Variants in NAV3 observed in about 807,000 individuals in gnomAD.
NAV3 encodes neuron navigator 3.
In NAV3, 87 loss-of-function variants were observed where a neutral mutation model predicts 244.7. The ratio of observed to expected loss-of-function variants is 0.36; its 90% confidence interval spans 0.30 to 0.42. The LOEUF is 0.42. NAV3 is among the 20% of genes least tolerant of loss of function. NAV3 has a pLI of 1.00. For synonymous variants in NAV3, 1,126 were observed against 1,042.2 expected (o/e 1.08, Z -1.55); for missense variants, 2,663 against 2,893.3 (o/e 0.92, Z 1.83).
At position 78,161,243 on chromosome 12, in the gene NAV3, C is replaced by T. The variant is rs552427127; in HGVS notation, c.4869+1957C>T. On this transcript the variant is annotated intron_variant, in intron 23 of 39. Transcript: ENST00000397909. ...ATCACCATGAGGAGTAAATCAGATA[C>T]TGTTATCATGTCACATGCTAGGGGC... is the stretch of plus-strand genomic sequence containing the variant. Among the ~76,000 whole-genome samples the T allele has an allele frequency of 9.2e-5, 14 of 152,164 alleles. No individual in the cohort carries two copies. In the South Asian group the frequency reaches 2.9e-3, roughly 32 times the overall value.
intron 12 of NAV3, among the ~76,000 whole-genome samples, chr12:78,101,089 G>C (rs1233358217): frequency 2.6e-5 from 4 of 152,094 alleles, no homozygotes; most frequent in African/African-American, 9.7e-5. Flanking sequence ...TAAATCACAG[G>C]TAATGACTAT....
intron 7 of NAV3, among the ~76,000 whole-genome samples, chr12:78,001,488 C>A (rs1418246398): frequency 6.6e-6 from 1 of 152,028 alleles, no homozygotes; most frequent in Non-Finnish European, 1.5e-5. Flanking sequence ...AATTTCACTT[C>A]TATATTAAAA....
At chr12:77,672,284 C>G (rs1317886776) in intron 2 of NAV3, among the ~76,000 whole-genome samples, 1 of 152,118 alleles carries the variant, frequency 6.6e-6, no homozygotes, top group Admixed American at 6.6e-5. Flanking sequence ...AACACTTTTA[C>G]ACCGTTGGAG....
chr12:77,651,860 G>C (rs1420426434), intron 2 of NAV3, among the ~76,000 whole-genome samples: 1 of 152,164 alleles, frequency 6.6e-6, no homozygotes, highest in Non-Finnish European at 1.5e-5. Context: ...GCAACAACTG[G>C]TGTCCTGGGC....
chr12:77,630,749 G>C (rs976164190), intron 2 of NAV3, among the ~76,000 whole-genome samples: 1 of 152,132 alleles, frequency 6.6e-6, no homozygotes, highest in Non-Finnish European at 1.5e-5. Flanking sequence ...ATGGGAGAAA[G>C]ACAAATCTTT....
chr12:77,575,416 G>A (rs1260692120), intron 2 of NAV3, among the ~76,000 whole-genome samples: 2 of 152,020 alleles, frequency 1.3e-5, no homozygotes, highest in South Asian at 4.1e-4. Context: ...ACTTTCAGCT[G>A]GTATTGGGCC....
Position 78,180,857 on chromosome 12 carries a change from C to G in NAV3, c.5518-14C>G, listed in dbSNP as rs1593935586. On this transcript the variant is annotated splice_polypyrimidine_tract_variant and intron_variant, in intron 29 of 39. Transcript: ENST00000397909. ...CCAACTCAGTTTTTTTCATGTTTTC[C>G]ATCTTCATAACAGAATGAAATTGAA... The G allele has an allele frequency of 1.3e-6, 2 of 1,589,904 alleles. No individual in the cohort carries two copies. The highest frequency in any genetic ancestry group is 1.7e-6 in the Non-Finnish European group (2 of 1,166,566).
chr12:77,798,188 AGC>A (rs1491482522), intron 2 of NAV3, among the ~76,000 whole-genome samples: 2 of 140,472 alleles, frequency 1.4e-5, no homozygotes, highest in African/African-American at 5.4e-5. Context: ...ACAAACAAAC[AGC>A]AACAACAACA....
At chr12:77,722,262 C>T (rs1592618207) in intron 2 of NAV3, among the ~76,000 whole-genome samples, 1 of 151,740 alleles carries the variant, frequency 6.6e-6, no homozygotes, top group East Asian at 2.0e-4. Context: ...CTGTGACTAA[C>T]ATACTTTATT....
chr12:78,154,264 A>AT (rs1382863340), intron 22 of NAV3, among the ~76,000 whole-genome samples: 16 of 141,250 alleles, frequency 1.1e-4, no homozygotes, highest in Non-Finnish European at 1.5e-4. Context: ...TATATAATAT[A>AT]TAGTATATAT....
At chr12:78,151,023 A>T (rs1280838708) in intron 22 of NAV3, among the ~76,000 whole-genome samples, 1 of 151,890 alleles carries the variant, frequency 6.6e-6, no homozygotes, top group African/African-American at 2.4e-5. Flanking sequence ...AATTAGGGAA[A>T]AGAAAACATC....
chr12:77,659,691 C>G (rs1282244868), intron 2 of NAV3, among the ~76,000 whole-genome samples: 1 of 152,078 alleles, frequency 6.6e-6, no homozygotes, highest in Non-Finnish European at 1.5e-5. Flanking sequence ...TTCACAATAG[C>G]AAAGACTTGG....
chr12:77,630,438 G>A (rs1486320930), intron 2 of NAV3, among the ~76,000 whole-genome samples: 1 of 152,122 alleles, frequency 6.6e-6, no homozygotes, highest in Non-Finnish European at 1.5e-5. Context: ...TTAGTTTCCT[G>A]GGTTTAATCT....
chr12:78,044,283 G>A (rs1423452694), intron 9 of NAV3, among the ~76,000 whole-genome samples: 3 of 152,048 alleles, frequency 2.0e-5, no homozygotes, highest in Non-Finnish European at 1.5e-5. Context: ...CTGTTTCATT[G>A]GTCTATATAT....
At chr12:77,764,806 T>A (rs1869657239) in intron 2 of NAV3, among the ~76,000 whole-genome samples, 1 of 152,232 alleles carries the variant, frequency 6.6e-6, no homozygotes, top group Non-Finnish European at 1.5e-5. Context: ...TATATTCATG[T>A]CAGTGTATAG....
rs780212248 is a variant in NAV3, at chr12:78,210,553, T to TA, written c.*43dup. 10 of 1,598,626 alleles carry TA rather than the reference T, an allele frequency of 6.3e-6. No homozygotes were observed. The highest frequency in any genetic ancestry group is 3.6e-5 in the Admixed American group (2 of 56,180). On this transcript the variant is annotated 3_prime_UTR_variant, in exon 40 of 40. Coordinates refer to ENST00000397909, the MANE Select transcript of NAV3 (RefSeq NM_001024383.2). ...AAGTTAAGGGAAAAGACTTTGCTTT[T>TA]AAAAAAATGTTTCAAAAGAAAGGTA...
At chr12:77,826,473 CAG>C (rs1873017370), upstream of NAV3, among the ~76,000 whole-genome samples, 3 of 152,130 alleles carry the variant, frequency 2.0e-5, no homozygotes, top group African/African-American at 7.2e-5. Context: ...GCCTGGGTGA[CAG>C]AGCGTGACTC....
intron 2 of NAV3, among the ~76,000 whole-genome samples, chr12:77,706,835 C>A (rs1407762616): frequency 3.2e-5 from 4 of 125,948 alleles, no homozygotes; most frequent in African/African-American, 1.2e-4. Flanking sequence ...AGTGCCACTG[C>A]ACTCCAGCCT....
chr12:77,780,871 A>T (rs1047095963), intron 2 of NAV3, among the ~76,000 whole-genome samples: 2 of 152,108 alleles, frequency 1.3e-5, no homozygotes, highest in Non-Finnish European at 2.9e-5. Context: ...AGCTGAGGGA[A>T]GGTTTAAGGC....
Sources: gnomAD v4.1 joint callset for allele counts (sites outside exome capture counted in the v4.1 genomes callset) on GRCh38, gnomAD v4.1.1 for gene constraint, MANE v1.5 for transcripts, NCBI Gene and HGNC (gene_info 2026-07-23, HGNC 2026-07-21) for gene names.